The following ATF7 variants were observed in gnomAD, a reference collection of about 807,000 sequenced individuals.
ATF7 encodes activating transcription factor 7.
Under a neutral mutation model 50.4 loss-of-function variants are expected in ATF7, and 10 were observed. That is an observed-to-expected ratio of 0.20 (90% CI 0.12 to 0.34). The LOEUF (loss-of-function observed/expected upper bound fraction) is 0.34, where lower values mean the gene tolerates loss of function less well. Among genes scored for constraint, ATF7 ranks in the 10% least tolerant of loss-of-function variants. ATF7 has a pLI of 1.00. For synonymous variants in ATF7, 201 were observed against 226.4 expected (o/e 0.89, Z 1.01); for missense variants, 465 against 613.9 (o/e 0.76, Z 2.56).
At position 53,513,236 on chromosome 12, in the gene ATF7, C is replaced by G. The variant is rs1944183521; in HGVS notation, c.*3901G>C. On this transcript the variant is annotated 3_prime_UTR_variant, in exon 12 of 12. Transcript: ENST00000420353. The stretch of plus-strand genomic sequence containing the variant: ...GGTAGGACTTTACCCCAAAGAGAGA[C>G]AACACAGCTGATGCAGACGGTGGTA... The G allele has an allele frequency of 6.6e-6, 1 of 152,078 alleles. No individual in the cohort carries two copies. Among genetic ancestry groups the G allele is most frequent in the Non-Finnish European group, 1.5e-5 (1 of 68,044 alleles). The allele number at this position is 152,078 out of a possible 1,614,324, so 9.4% of individuals were successfully genotyped here.
At chr12:53,551,491 C>T (rs992838976) in intron 3 of ATF7, among the ~76,000 whole-genome samples, 31 of 152,148 alleles carry the variant, frequency 2.0e-4, no homozygotes, top group Non-Finnish European at 2.6e-4. Flanking sequence ...GGATCATTGA[C>T]GACAATGTTC....
chr12:53,566,993 C>T (rs546130545), intron 2 of ATF7, among the ~76,000 whole-genome samples: 88 of 152,108 alleles, frequency 5.8e-4, no homozygotes, highest in Non-Finnish European at 1.1e-3. Context: ...ACCTTGTGAT[C>T]CGCCCGCCTC....
chr12:53,549,294 A>G (rs1191449527), intron 3 of ATF7, among the ~76,000 whole-genome samples: 2 of 147,036 alleles, frequency 1.4e-5, no homozygotes, highest in Non-Finnish European at 3.0e-5. Context: ...CTCAAAAAAA[A>G]AAAAGAAAGA....
intron 2 of ATF7, among the ~76,000 whole-genome samples, chr12:53,564,124 C>T (rs1468544117): frequency 1.3e-5 from 2 of 152,124 alleles, no homozygotes. Flanking sequence ...GCCTGTAATC[C>T]AGCACTTTGG....
At chr12:53,543,263 C>T (rs1565936796) in intron 4 of ATF7, 67 bp downstream of exon 4, 3 of 1,551,754 alleles carry the variant, frequency 1.9e-6, no homozygotes, top group Non-Finnish European at 8.7e-7. Context: ...AAAATTATCC[C>T]AAAGCACAAT....
intron 10 of ATF7, among the ~76,000 whole-genome samples, chr12:53,523,765 A>T (rs566962859): frequency 6.6e-6 from 1 of 152,342 alleles, no homozygotes; most frequent in African/African-American, 2.4e-5. Flanking sequence ...AAATTAGAGC[A>T]GTATCAATAT....
chr12:53,551,525 AT>A (rs1940351806), intron 3 of ATF7, among the ~76,000 whole-genome samples: 1 of 152,210 alleles, frequency 6.6e-6, no homozygotes, highest in Non-Finnish European at 1.5e-5. Context: ...GTTCCTAAGG[AT>A]TACAAATCTA....
intron 11 of ATF7, chr12:53,522,554 G>C (rs1332095521): frequency 7.0e-6 from 1 of 143,356 alleles, no homozygotes; most frequent in Admixed American, 7.2e-5. Flanking sequence ...GCAAGACTCT[G>C]TCTCAAAAAC....
chr12:53,517,466 AC>A, intron 11 of ATF7, 112 bp from the exon 12 acceptor site: 6 of 1,079,624 alleles, frequency 5.6e-6, no homozygotes, highest in Non-Finnish European at 6.6e-6. Flanking sequence ...GGGAAATGAA[AC>A]CCATCTTTTT....
chr12:53,603,762 T>C (rs915401716), intron 1 of ATF7, among the ~76,000 whole-genome samples: 1 of 151,902 alleles, frequency 6.6e-6, no homozygotes, highest in Non-Finnish European at 1.5e-5. Context: ...TTTAAAAAAA[T>C]TTCTCCTTCA....
At chr12:53,566,533 A>C (rs1941452238) in intron 2 of ATF7, among the ~76,000 whole-genome samples, 1 of 152,146 alleles carries the variant, frequency 6.6e-6, no homozygotes, top group African/African-American at 2.4e-5. Flanking sequence ...CTCCTTATAA[A>C]AGGGAAAGCC....
At position 53,515,908 on chromosome 12, in the gene ATF7, GA is replaced by G; in HGVS notation, c.*1228del. ...TAGGAACCTGGTGAAAGAGAAAGAA[GA>G]TAGTCCAGACGGTGATGGGCACTTG... is the stretch of plus-strand genomic sequence containing the variant. On this transcript the variant is annotated 3_prime_UTR_variant, in exon 12 of 12. Coordinates refer to ENST00000420353, the MANE Select transcript of ATF7 (RefSeq NM_006856.3). 1 of 152,456 alleles carries G rather than the reference GA, an allele frequency of 6.6e-6. No individual in the cohort carries two copies. The highest frequency in any genetic ancestry group is 2.1e-4 in the South Asian group (1 of 4,824). The allele number at this position is 152,456 out of a possible 1,614,324, so 9.4% of individuals were successfully genotyped here. A position where few individuals can be genotyped will look rare whatever the true frequency, so the allele number is the denominator to read the frequency against.
intron 2 of ATF7, among the ~76,000 whole-genome samples, chr12:53,584,259 G>T (rs1942576148): frequency 6.6e-6 from 1 of 152,182 alleles, no homozygotes; most frequent in Non-Finnish European, 1.5e-5. Context: ...AGGGATTACA[G>T]GTGTGAGCCA....
chr12:53,539,913 T>C (rs1939438946), intron 4 of ATF7, among the ~76,000 whole-genome samples: 1 of 150,686 alleles, frequency 6.6e-6, no homozygotes, highest in Admixed American at 6.6e-5. Context: ...TAAAAATAAA[T>C]GCAAAAATTA....
Position 53,594,635 on chromosome 12 carries a change from C to G in ATF7, c.48+6318G>C, listed in dbSNP as rs564503703. Among the ~76,000 whole-genome samples the G allele has an allele frequency of 3.3e-5, 5 of 152,334 alleles. No individual in the cohort carries two copies. In the South Asian group the frequency reaches 1.0e-3, roughly 32 times the overall value. On this transcript the variant is annotated intron_variant, in intron 2 of 11. Coordinates refer to ENST00000420353, the MANE Select transcript of ATF7 (RefSeq NM_006856.3). Reference sequence around the variant, plus strand: ...AAGTGCGGTGGCTTACGCCTGTAATCTCAGCACTTTGGGAGGCTGAGGCAG... The same window carrying G: ...AAGTGCGGTGGCTTACGCCTGTAATGTCAGCACTTTGGGAGGCTGAGGCAG...
At chr12:53,564,012 CA>C (rs1273502836) in intron 2 of ATF7, among the ~76,000 whole-genome samples, 1 of 152,184 alleles carries the variant, frequency 6.6e-6, no homozygotes, top group Non-Finnish European at 1.5e-5. Flanking sequence ...ACACTGGTGC[CA>C]TGGTCTTTGT....
At chr12:53,537,110 C>G (rs191622958) in intron 5 of ATF7, among the ~76,000 whole-genome samples, 38 of 151,968 alleles carry the variant, frequency 2.5e-4, no homozygotes, top group Middle Eastern at 3.4e-3. Flanking sequence ...CACTCTGTTG[C>G]CCAGGCTGGG....
chr12:53,595,758 C>T (rs187358407), intron 2 of ATF7, among the ~76,000 whole-genome samples: 1 of 152,212 alleles, frequency 6.6e-6, no homozygotes, highest in African/African-American at 2.4e-5. Context: ...CCCTCAATCC[C>T]ATCACAACTA....
At chr12:53,609,396 T>C (rs1297526206) in intron 1 of ATF7, among the ~76,000 whole-genome samples, 2 of 151,238 alleles carry the variant, frequency 1.3e-5, no homozygotes, top group Non-Finnish European at 2.9e-5. Context: ...TCAGGTGATC[T>C]GCCCGCCTCA....
Sources: gnomAD v4.1 joint callset for allele counts (sites outside exome capture counted in the v4.1 genomes callset) on GRCh38, gnomAD v4.1.1 for gene constraint, MANE v1.5 for transcripts, NCBI Gene and HGNC (gene_info 2026-07-23, HGNC 2026-07-21) for gene names.